Variants in KIF15 observed in about 807,000 individuals in gnomAD.
KIF15 encodes the protein kinesin-like protein KIF15.
In KIF15, 140 loss-of-function variants were observed where a neutral mutation model predicts 190.6. That is an observed-to-expected ratio of 0.73 (90% CI 0.64 to 0.84). The LOEUF (loss-of-function observed/expected upper bound fraction) is 0.84. Among genes scored for constraint, KIF15 ranks in the 40% least tolerant of loss-of-function variants. The pLI, the probability that KIF15 is intolerant of heterozygous loss-of-function variation, is 0.00. For missense variants in KIF15, 1,372 were observed against 1,584.4 expected (o/e 0.87, Z 2.28); for synonymous variants, 528 against 551.3 (o/e 0.96, Z 0.59).
intron 1 of KIF15, among the ~76,000 whole-genome samples, chr3:44,772,617 C>T (rs1705692133): frequency 6.6e-6 from 1 of 152,192 alleles, no homozygotes; most frequent in Non-Finnish European, 1.5e-5. Context: ...TCCCTTATTA[C>T]CCGACATTAG....
chr3:44,823,013 T>A (rs1422162952), intron 20 of KIF15, among the ~76,000 whole-genome samples: 2 of 152,246 alleles, frequency 1.3e-5, no homozygotes, highest in African/African-American at 4.8e-5. Context: ...TTCTGTCAAC[T>A]CGTCAAAGTT....
chr3:44,799,478 G>A (rs1575608301), intron 10 of KIF15, among the ~76,000 whole-genome samples: 7 of 152,052 alleles, frequency 4.6e-5, no homozygotes, highest in Admixed American at 6.6e-5. Context: ...CCTCTGACCT[G>A]GTTGGTACTC....
intron 1 of KIF15, among the ~76,000 whole-genome samples, chr3:44,773,807 T>TA (rs1477403075): frequency 6.6e-6 from 1 of 152,192 alleles, no homozygotes; most frequent in Non-Finnish European, 1.5e-5. Context: ...TTAGCTCAGC[T>TA]AAAATCCAGG....
At chr3:44,775,732 G>A (rs1358684841) in intron 3 of KIF15, among the ~76,000 whole-genome samples, 2 of 151,878 alleles carry the variant, frequency 1.3e-5, no homozygotes, top group East Asian at 2.0e-4. Context: ...GGGATTACAG[G>A]TGTGAGCCAC....
chr3:44,805,813 C>A lies in KIF15; in HGVS notation c.1830-32C>A, dbSNP rs1707470106. ...TATAAATGTTTGACATTACTTATTA[C>A]CTGAAATACTCCGTTTTACAATATC... On this transcript the variant is annotated intron_variant, in intron 15 of 34. Coordinates refer to ENST00000326047, the MANE Select transcript of KIF15 (RefSeq NM_020242.3). 7.5e-6 allele frequency: 12 copies of A among 1,591,218 alleles called. No individual in the cohort carries two copies. The East Asian group carries it at 2.7e-4, about 36-fold the overall frequency.
intron 20 of KIF15, among the ~76,000 whole-genome samples, chr3:44,817,625 G>T (rs1708085877): frequency 6.6e-6 from 1 of 152,172 alleles, no homozygotes; most frequent in Non-Finnish European, 1.5e-5. Context: ...CCAGTACCAT[G>T]CTGTTTTGGT....
intron 19 of KIF15, among the ~76,000 whole-genome samples, chr3:44,814,196 G>T (rs1432620036): frequency 6.6e-6 from 1 of 152,194 alleles, no homozygotes; most frequent in Non-Finnish European, 1.5e-5. Context: ...ACCTGAAGTA[G>T]TTAACCCATG....
intron 8 of KIF15, among the ~76,000 whole-genome samples, chr3:44,796,792 C>A (rs1052138900): frequency 3.9e-5 from 6 of 152,138 alleles, no homozygotes; most frequent in African/African-American, 1.4e-4. Context: ...CAGAATTAAA[C>A]TGAATATTCT....
chr3:44,864,423 C>A, intron 6 of KIF15: 1 of 1,570,688 alleles, frequency 6.4e-7, no homozygotes, highest in Non-Finnish European at 8.7e-7. Flanking sequence ...CCTCCTTTCC[C>A]AGACAGGAGA....
At position 44,768,293 on chromosome 3, in the gene KIF15, G is replaced by GA. The variant is rs551362428; in HGVS notation, c.20-6092dup. On this transcript the variant is annotated intron_variant, in intron 1 of 34. Coordinates refer to ENST00000326047, the MANE Select transcript of KIF15 (RefSeq NM_020242.3). ...GTCTCAAAAAAAAAAGAAAAGAAAA[G>GA]AAAAAAAAAACCACTGATGCAAGAT... 1.9e-4 allele frequency among the ~76,000 whole-genome samples: 28 copies of GA among 145,750 alleles called. 1 individual carries two copies. The highest frequency in any genetic ancestry group is 4.1e-4 in the East Asian group (2 of 4,838).
At chr3:44,773,230 G>C (rs1355646036) in intron 1 of KIF15, among the ~76,000 whole-genome samples, 1 of 152,134 alleles carries the variant, frequency 6.6e-6, no homozygotes, top group South Asian at 2.1e-4. Flanking sequence ...CTTGAAAGAT[G>C]CCTGAAAGGA....
At chr3:44,829,427 AATAT>A (rs1174639623) in intron 24 of KIF15, among the ~76,000 whole-genome samples, 3 of 139,702 alleles carry the variant, frequency 2.1e-5, no homozygotes, top group East Asian at 2.0e-4. Context: ...ATGTATATAT[AATAT>A]ATATGTATAT....
chr3:44,829,480 T>C (rs1366947276), intron 24 of KIF15, among the ~76,000 whole-genome samples: 2 of 134,376 alleles, frequency 1.5e-5, no homozygotes, highest in Non-Finnish European at 3.0e-5. Flanking sequence ...ATATAATATG[T>C]GTATATAATA....
chr3:44,826,502 G>C (rs777996305), intron 22 of KIF15, 42 bp downstream of exon 22: 2 of 1,269,124 alleles, frequency 1.6e-6, no homozygotes, highest in Non-Finnish European at 2.2e-6. Flanking sequence ...CTAGAATATT[G>C]TTTAATACCA....
intron 6 of KIF15, chr3:44,861,982 A>T: frequency 7.3e-7 from 1 of 1,377,448 alleles, no homozygotes. Context: ...GTACCCTGAC[A>T]CCCCCGCGGA....
intron 16 of KIF15, among the ~76,000 whole-genome samples, chr3:44,806,298 A>G (rs1400194342): frequency 2.0e-5 from 3 of 152,236 alleles, no homozygotes; most frequent in South Asian, 2.1e-4. Context: ...ATTTACTTGC[A>G]GAGTTTTAGA....
chr3:44,842,995 A>G (rs1484982022), intron 29 of KIF15, 130 bp from the exon 30 acceptor site: 1 of 595,482 alleles, frequency 1.7e-6, no homozygotes, highest in Non-Finnish European at 2.9e-6. Context: ...CTTTTCATGC[A>G]GCAATACCCA....
At chr3:44,846,824 A>G (rs1309346393) in intron 30 of KIF15, among the ~76,000 whole-genome samples, 2 of 151,698 alleles carry the variant, frequency 1.3e-5, no homozygotes, top group African/African-American at 2.4e-5. Context: ...CATTCCTTAT[A>G]TATAAAAGAG....
rs1214042600 is a variant in KIF15, at chr3:44,811,028, G to A, written c.2154G>A (p.Glu718=). The change falls in exon 17 of 35, where the codon GAG becomes GAA. Residue 718 remains glutamate, a synonymous_variant. Coordinates refer to ENST00000326047, the MANE Select transcript of KIF15 (RefSeq NM_020242.3). ...AAGCTTTTGAGGCCATTTCTGAAGA[G>A]CTTAGAACAGTGCAGGTAATGTTTT... The part of the protein sequence containing the change: ...NEQAFEAISE[E]LRTVQEQMSA... 6.2e-7 allele frequency: 1 copy of A among 1,608,082 alleles called. No individual in the cohort carries two copies. The highest frequency in any genetic ancestry group is 8.5e-7 in the Non-Finnish European group (1 of 1,178,248).
Sources: gnomAD v4.1 joint callset for allele counts (sites outside exome capture counted in the v4.1 genomes callset) on GRCh38, gnomAD v4.1.1 for gene constraint, MANE v1.5 for transcripts, NCBI Gene and HGNC (gene_info 2026-07-23, HGNC 2026-07-21) for gene names.